Variants in AGMO observed in about 807,000 individuals in gnomAD.
AGMO encodes glyceryl-ether monooxygenase.
In AGMO, 75 loss-of-function variants were observed where a neutral mutation model predicts 60.2. That is an observed-to-expected ratio of 1.25 (90% CI 1.03 to 1.51). The LOEUF (loss-of-function observed/expected upper bound fraction) is 1.51, where lower values mean the gene tolerates loss of function less well. AGMO is among the 40% of genes most tolerant of loss of function. The pLI is 0.00. For synonymous variants in AGMO, 261 were observed against 177.1 expected (o/e 1.47, Z -3.76); for missense variants, 763 against 525.5 (o/e 1.45, Z -4.42).
intron 12 of AGMO, among the ~76,000 whole-genome samples, chr7:15,310,539 G>A (rs1474476452): frequency 1.3e-5 from 2 of 151,970 alleles, no homozygotes; most frequent in Non-Finnish European, 2.9e-5. Context: ...CCTATATCAT[G>A]TTATTATAAT....
intron 3 of AGMO, among the ~76,000 whole-genome samples, chr7:15,522,969 G>C (rs1368458906): frequency 1.3e-5 from 2 of 152,134 alleles, no homozygotes; most frequent in Non-Finnish European, 2.9e-5. Flanking sequence ...CTAATATTCA[G>C]ACTCTACAAA....
intron 3 of AGMO, among the ~76,000 whole-genome samples, chr7:15,483,730 G>A (rs1250766895): frequency 6.6e-6 from 1 of 152,076 alleles, no homozygotes; most frequent in Non-Finnish European, 1.5e-5. Context: ...TGGAAAACTT[G>A]ATTCTGTAAA....
intron 3 of AGMO, among the ~76,000 whole-genome samples, chr7:15,526,357 T>C (rs1210809311): frequency 1.3e-5 from 2 of 152,224 alleles, no homozygotes; most frequent in Non-Finnish European, 1.5e-5. Context: ...AAAACATTTC[T>C]TTTTGCTGAC....
chr7:15,271,199 A>C (rs1275070281), intron 12 of AGMO, among the ~76,000 whole-genome samples: 1 of 152,100 alleles, frequency 6.6e-6, no homozygotes, highest in East Asian at 1.9e-4. Context: ...TTTCTTACTC[A>C]GTGAAAAACA....
At chr7:15,540,056 C>A (rs1310371202) in intron 3 of AGMO, among the ~76,000 whole-genome samples, 1 of 152,086 alleles carries the variant, frequency 6.6e-6, no homozygotes, top group Non-Finnish European at 1.5e-5. Flanking sequence ...AGGAAGTGAA[C>A]TACTAAAGAG....
intron 2 of AGMO, among the ~76,000 whole-genome samples, chr7:15,552,487 A>G: frequency 6.7e-6 from 1 of 150,196 alleles, no homozygotes; most frequent in Non-Finnish European, 1.5e-5. Flanking sequence ...AAAAACAAAC[A>G]ACCCCATCAA....
intron 2 of AGMO, among the ~76,000 whole-genome samples, chr7:15,557,659 CA>C (rs1051168147): frequency 7.3e-5 from 11 of 151,070 alleles, no homozygotes; most frequent in African/African-American, 2.7e-4. Context: ...TATAACAAAA[CA>C]AAAAAATGCA....
the AGMO span, among the ~76,000 whole-genome samples, chr7:15,178,326 TTTC>T: frequency 6.6e-6 from 1 of 152,186 alleles, no homozygotes; most frequent in African/African-American, 2.4e-5. Context: ...TAGGTTAAAC[TTTC>T]TTGTCTCTCA....
At chr7:15,524,586 GGC>G (rs1449317615) in intron 3 of AGMO, among the ~76,000 whole-genome samples, 2 of 152,070 alleles carry the variant, frequency 1.3e-5, no homozygotes, top group Non-Finnish European at 1.5e-5. Flanking sequence ...TTTGTGGCCG[GGC>G]ACACTGGCTC....
intron 12 of AGMO, among the ~76,000 whole-genome samples, chr7:15,273,327 G>T (rs1000890211): frequency 6.6e-6 from 1 of 152,158 alleles, no homozygotes; most frequent in Non-Finnish European, 1.5e-5. Context: ...AAGGGATCTA[G>T]TTTCAGCTTT....
intron 12 of AGMO, among the ~76,000 whole-genome samples, chr7:15,263,587 G>A (rs999474925): frequency 2.0e-5 from 3 of 152,052 alleles, no homozygotes; most frequent in African/African-American, 4.8e-5. Context: ...CAGAGGAAAA[G>A]AAGTCATTAT....
the AGMO span, among the ~76,000 whole-genome samples, chr7:15,192,896 T>A: frequency 5.9e-5 from 9 of 152,036 alleles, no homozygotes; most frequent in African/African-American, 2.2e-4. Flanking sequence ...AGCAAATTTT[T>A]AAAAAACCTT....
intron 4 of AGMO, among the ~76,000 whole-genome samples, chr7:15,428,131 C>T (rs947475121): frequency 6.0e-5 from 9 of 150,552 alleles, no homozygotes; most frequent in Non-Finnish European, 8.9e-5. Flanking sequence ...CCTCATGTAA[C>T]AATGTTGGTG....
intron 10 of AGMO, among the ~76,000 whole-genome samples, chr7:15,381,527 C>T (rs1327390595): frequency 6.6e-6 from 1 of 152,016 alleles, no homozygotes; most frequent in Non-Finnish European, 1.5e-5. Flanking sequence ...CAAAAAATAA[C>T]ATGCTGGTGA....
chr7:15,336,609 G>A (rs977043442), intron 12 of AGMO, among the ~76,000 whole-genome samples: 8 of 152,000 alleles, frequency 5.3e-5, no homozygotes, highest in African/African-American at 9.7e-5. Context: ...GTGTGCCACC[G>A]AATATATTAA....
chr7:15,364,210 G>C (rs139076736), intron 12 of AGMO, among the ~76,000 whole-genome samples: 206 of 151,894 alleles, frequency 1.4e-3, no homozygotes, highest in African/African-American at 4.6e-3. Context: ...AGAATCTTCT[G>C]CTTCTTCCTT....
the AGMO span, among the ~76,000 whole-genome samples, chr7:15,182,350 T>C: frequency 6.6e-6 from 1 of 152,212 alleles, no homozygotes; most frequent in Non-Finnish European, 1.5e-5. Flanking sequence ...GTTCGAATGA[T>C]AAATTTTGTT....
At chr7:15,208,658 T>C (rs956216199) in intron 12 of AGMO, among the ~76,000 whole-genome samples, 5 of 152,208 alleles carry the variant, frequency 3.3e-5, no homozygotes, top group Non-Finnish European at 7.3e-5. Context: ...AAAACTATGA[T>C]AGCACTATTT....
At chr7:15,448,693 C>T (rs73068588) in intron 3 of AGMO, among the ~76,000 whole-genome samples, 1 of 144,838 alleles carries the variant, frequency 6.9e-6, no homozygotes, top group East Asian at 2.0e-4. Context: ...TTAAATTTTG[C>T]TTTTGAATTA....
Sources: gnomAD v4.1 joint callset for allele counts (sites outside exome capture counted in the v4.1 genomes callset) on GRCh38, gnomAD v4.1.1 for gene constraint, MANE v1.5 for transcripts, NCBI Gene and HGNC (gene_info 2026-07-23, HGNC 2026-07-21) for gene names.